GPC3: variants seen among roughly 807,000 people sequenced by gnomAD.
GPC3 encodes glypican 3, also known as glypican-3.
Under a neutral mutation model 34.4 loss-of-function variants are expected in GPC3, and 3 were observed. The ratio of observed to expected loss-of-function variants is 0.09; its 90% CI spans 0.04 to 0.23. The LOEUF (loss-of-function observed/expected upper bound fraction) is 0.23. GPC3 is among the 10% of genes least tolerant of loss of function. The pLI is 1.00. For synonymous variants in GPC3, 177 were observed against 174.0 expected (o/e 1.02, Z -0.13); for missense variants, 351 against 445.6 (o/e 0.79, Z 1.91).
intron 3 of GPC3, among the ~76,000 whole-genome samples, chrX:133,739,793 G>A (rs1394832814): frequency 8.9e-6 from 1 of 112,300 alleles, no homozygotes; most frequent in East Asian, 2.8e-4. Context: ...TGAGGTGGGA[G>A]GATCACTTGA....
intron 5 of GPC3, 98 bp downstream of exon 5, chrX:133,692,271 G>A: frequency 1.4e-5 from 13 of 922,488 alleles, no homozygotes; most frequent in Non-Finnish European, 1.9e-5. Flanking sequence ...AATTTTTCTG[G>A]TGCAATTAAT....
chrX:133,961,641 TATA>T (rs2076441977), intron 1 of GPC3, among the ~76,000 whole-genome samples: 1 of 111,887 alleles, frequency 8.9e-6, no homozygotes, highest in Admixed American at 9.4e-5. Flanking sequence ...GCCCAAGGAA[TATA>T]ATAATGAACA....
intron 2 of GPC3, among the ~76,000 whole-genome samples, chrX:133,756,370 T>A (rs1381109482): frequency 8.9e-6 from 1 of 112,275 alleles, no homozygotes; most frequent in African/African-American, 3.2e-5. Context: ...CATCTTCAAA[T>A]GGAAACATAC....
In GPC3 at chrX:133,953,063, A is replaced by G; in HGVS notation, c.324T>C (p.Ala108=). 8.3e-7 allele frequency: 1 copy of G among 1,209,267 alleles called. No homozygotes were observed. The highest frequency in any genetic ancestry group is 1.1e-6 in the Non-Finnish European group (1 of 893,147). ...MELKFLIIQN[A]AVFQEAFEIV... is the part of the protein sequence containing the mutation. ...CCCAGAACTCACCTTGGAAAACCGC[A>G]GCATTCTGAATAATTAAGAACTTGA... is the stretch of plus-strand genomic sequence containing the variant. The change falls in exon 2 of 8, where the codon GCT becomes GCC. Residue 108 remains alanine (A), a synonymous_variant. Transcript: ENST00000370818.
intron 2 of GPC3, among the ~76,000 whole-genome samples, chrX:133,853,531 T>G (rs1477888754): frequency 8.9e-6 from 1 of 112,141 alleles, no homozygotes; most frequent in Non-Finnish European, 1.9e-5. Flanking sequence ...GATGCTCAGG[T>G]TTGAATGCCA....
chrX:133,781,081 A>C (rs1322172046), intron 2 of GPC3, among the ~76,000 whole-genome samples: 3 of 111,402 alleles, frequency 2.7e-5, no homozygotes, highest in Non-Finnish European at 3.8e-5. Flanking sequence ...ACACCCTTGC[A>C]TCTTGTTTCT....
chrX:133,887,242 C>A (rs1208443525), intron 2 of GPC3, among the ~76,000 whole-genome samples: 2 of 112,463 alleles, frequency 1.8e-5, no homozygotes, highest in Non-Finnish European at 3.8e-5. Context: ...TTTTGAGGAA[C>A]CTCCATAGTG....
intron 2 of GPC3, among the ~76,000 whole-genome samples, chrX:133,938,649 C>T (rs745754062): frequency 8.9e-6 from 1 of 111,787 alleles, no homozygotes; most frequent in Non-Finnish European, 1.9e-5. Flanking sequence ...ATTAACAGAG[C>T]CCAAGTTAAT....
At chrX:133,756,172 G>A (rs1006165645) in intron 2 of GPC3, among the ~76,000 whole-genome samples, 2 of 112,168 alleles carry the variant, frequency 1.8e-5, no homozygotes, top group African/African-American at 6.5e-5. Context: ...CGACAAAATT[G>A]AGGCTCAGTA....
intron 2 of GPC3, among the ~76,000 whole-genome samples, chrX:133,780,640 C>A (rs935189911): frequency 9.0e-6 from 1 of 111,599 alleles, no homozygotes; most frequent in African/African-American, 3.3e-5. Context: ...CCTGCTTTCA[C>A]AGAGCCGGAC....
intron 5 of GPC3, among the ~76,000 whole-genome samples, chrX:133,669,856 T>C (rs777384760): frequency 8.9e-6 from 1 of 112,072 alleles, no homozygotes; most frequent in South Asian, 3.8e-4. Context: ...TTCTTCTTTA[T>C]CCAGTTTGGT....
chrX:133,966,704 G>C (rs778828784), intron 1 of GPC3, among the ~76,000 whole-genome samples: 13 of 112,017 alleles, frequency 1.2e-4, no homozygotes, highest in Admixed American at 1.9e-4. Context: ...AGTGAGAAGC[G>C]CTGTTATTGA....
intron 6 of GPC3, among the ~76,000 whole-genome samples, chrX:133,627,418 T>G (rs1482829340): frequency 1.8e-5 from 2 of 111,979 alleles, no homozygotes; most frequent in Non-Finnish European, 3.8e-5. Flanking sequence ...TATAGTTTCC[T>G]GGGGGAGTAA....
intron 5 of GPC3, among the ~76,000 whole-genome samples, chrX:133,667,630 C>T (rs758442029): frequency 3.6e-5 from 4 of 110,631 alleles, no homozygotes; most frequent in Non-Finnish European, 7.6e-5. Context: ...GTGGGCAGAT[C>T]GTCTGAGTCC....
chrX:133,706,820 A>C (rs1260078363), intron 3 of GPC3, among the ~76,000 whole-genome samples: 1 of 111,768 alleles, frequency 8.9e-6, no homozygotes, highest in Non-Finnish European at 1.9e-5. Context: ...CTAAGAGGTG[A>C]ACTACCATTT....
At chrX:133,654,890 C>T (rs1299843972) in intron 6 of GPC3, among the ~76,000 whole-genome samples, 28 of 111,304 alleles carry the variant, frequency 2.5e-4, no homozygotes, top group Non-Finnish European at 3.8e-5. Flanking sequence ...ACTTGTCTTT[C>T]CATTGCTAAC....
chrX:133,859,005 C>T (rs1183463171), intron 2 of GPC3, among the ~76,000 whole-genome samples: 4 of 105,922 alleles, frequency 3.8e-5, no homozygotes, highest in Admixed American at 1.0e-4. Flanking sequence ...GGCGTGAACC[C>T]GGGAAGCGGA....
chrX:133,895,731 A>G (rs752428497), intron 2 of GPC3, among the ~76,000 whole-genome samples: 1 of 111,271 alleles, frequency 9.0e-6, no homozygotes, highest in Non-Finnish European at 1.9e-5. Flanking sequence ...AAAGTCTTTA[A>G]ACAGCGCACA....
At chrX:133,815,819 T>G (rs1044520088) in intron 2 of GPC3, among the ~76,000 whole-genome samples, 1 of 111,820 alleles carries the variant, frequency 8.9e-6, no homozygotes, top group African/African-American at 3.3e-5. Context: ...GCATGGGACC[T>G]GATTAAGGGA....
Sources: allele counts gnomAD v4.1 joint callset (sites outside exome capture counted in the v4.1 genomes callset), GRCh38; gene constraint gnomAD v4.1.1; transcripts MANE v1.5; gene names NCBI Gene and HGNC (gene_info 2026-07-23, HGNC 2026-07-21).